CHMP4B: variants seen among roughly 807,000 people sequenced by gnomAD.
CHMP4B encodes SNF7 homolog associated with Alix 1.
CHMP4B carries 1 observed loss-of-function variant against 25.1 expected under a neutral mutation model. That is an observed-to-expected ratio of 0.04 (90% confidence interval 0.01 to 0.19). The LOEUF is 0.19. Among genes scored for constraint, CHMP4B ranks in the 10% least tolerant of loss-of-function variants. CHMP4B has a pLI of 1.00. For missense variants in CHMP4B, 151 were observed against 289.7 expected (o/e 0.52, Z 3.48); for synonymous variants, 101 against 115.6 (o/e 0.87, Z 0.81).
chr20:33,830,534 C>T lies in CHMP4B; in HGVS notation c.191-17933C>T, dbSNP rs148539775. 2.0e-3 allele frequency among the ~76,000 whole-genome samples: 306 copies of T among 152,330 alleles called. 1 individual carries two copies. The highest frequency in any genetic ancestry group is 7.2e-3 in the African/African-American group (301 of 41,568). On this transcript the variant is annotated intron_variant, in intron 1 of 4. Transcript: ENST00000217402. ...CTCTTCCCAGCTGGAAGACAGCTGC[C>T]TTCTTGCTGTGTCCTCACATGGCCT...
At chr20:33,834,393 CT>C in intron 1 of CHMP4B, among the ~76,000 whole-genome samples, 1 of 152,116 alleles carries the variant, frequency 6.6e-6, no homozygotes, top group African/African-American at 2.4e-5. Context: ...TTACTGCAGC[CT>C]CAAACTCCTG....
At chr20:33,838,352 A>C (rs571199476) in intron 1 of CHMP4B, among the ~76,000 whole-genome samples, 5 of 152,080 alleles carry the variant, frequency 3.3e-5, no homozygotes, top group Non-Finnish European at 5.9e-5. Flanking sequence ...GTCCAGGTAG[A>C]AGTTGGTGGG....
intron 1 of CHMP4B, among the ~76,000 whole-genome samples, chr20:33,817,912 C>T (rs1420979289): frequency 2.0e-5 from 3 of 152,142 alleles, no homozygotes; most frequent in Non-Finnish European, 2.9e-5. Flanking sequence ...TCATTTATTA[C>T]GTTTCTTCTA....
intron 2 of CHMP4B, among the ~76,000 whole-genome samples, chr20:33,849,808 G>A (rs934388237): frequency 6.6e-6 from 1 of 152,154 alleles, no homozygotes; most frequent in Non-Finnish European, 1.5e-5. Flanking sequence ...GTCTTGCTGT[G>A]TCTGTCACCT....
intron 1 of CHMP4B, among the ~76,000 whole-genome samples, chr20:33,832,775 A>AT (rs35940987): frequency 0.46 from 63,404 of 138,236 alleles, 14,744 homozygotes; most frequent in East Asian, 0.78. Flanking sequence ...ACAATAAATG[A>AT]TTTTTTTTTT....
At chr20:33,819,872 G>C (rs1338205421) in intron 1 of CHMP4B, among the ~76,000 whole-genome samples, 1 of 152,122 alleles carries the variant, frequency 6.6e-6, no homozygotes, top group Non-Finnish European at 1.5e-5. Context: ...GAAATTGTTA[G>C]AAACGTGGAT....
At chr20:33,822,267 G>A (rs1199120773) in intron 1 of CHMP4B, among the ~76,000 whole-genome samples, 1 of 151,822 alleles carries the variant, frequency 6.6e-6, no homozygotes, top group African/African-American at 2.4e-5. Context: ...CCTCAACCTT[G>A]TAAGTAGCTG....
rs3198247 is a variant in CHMP4B, at chr20:33,853,700, G to A, written c.*140G>A. The A allele has an allele frequency of 6.3e-6, 3 of 475,744 alleles. No individual in the cohort carries two copies. Among genetic ancestry groups the A allele is most frequent in the African/African-American group, 2.2e-5 (1 of 46,382 alleles). The allele number at this position is 475,744 out of a possible 1,614,324, so 29.5% of individuals were successfully genotyped here. A position where few individuals can be genotyped will look rare whatever the true frequency, so the allele number is the denominator to read the frequency against. On this transcript the variant is annotated 3_prime_UTR_variant, in exon 5 of 5. Transcript: ENST00000217402. ...TCTCACTCCAAAGCAGTAGGGCCGC[G>A]TTGCTGCTCACTCTCTGCATAGCAT...
chr20:33,811,649 A>C lies in CHMP4B; in HGVS notation c.181A>C (p.Asn61His), dbSNP rs2122776160. ...GGCCGCCAAGAAGCACGGCACCAAA[A>C]ACAAGCGCGGTGAGGCTGCCCGGCC... Reference protein sequence around the residue: ...LTAAKKHGTKNKRAALQALKR... With the variant: ...LTAAKKHGTKHKRAALQALKR... The change falls in exon 1 of 5, where the codon AAC becomes CAC. Residue 61 changes from asparagine to histidine, a missense_variant. Physicochemically the swap from Asn to His is moderately conservative, Grantham distance 68. Coordinates refer to ENST00000217402, the MANE Select transcript of CHMP4B (RefSeq NM_176812.5). 1 of 1,613,584 alleles carries C rather than the reference A, an allele frequency of 6.2e-7. No homozygotes were observed. Among genetic ancestry groups the C allele is most frequent in the Non-Finnish European group, 8.5e-7 (1 of 1,179,830 alleles).
chr20:33,838,968 G>A (rs1229377935), intron 1 of CHMP4B, among the ~76,000 whole-genome samples: 2 of 152,114 alleles, frequency 1.3e-5, no homozygotes, highest in Non-Finnish European at 2.9e-5. Flanking sequence ...GGCCACGCCT[G>A]CTGACCCAGT....
chr20:33,846,127 C>T (rs1943266820), intron 1 of CHMP4B, among the ~76,000 whole-genome samples: 1 of 152,160 alleles, frequency 6.6e-6, no homozygotes, highest in South Asian at 2.1e-4. Flanking sequence ...AGTATCCTAC[C>T]TTTTTCATTA....
chr20:33,844,320 T>C (rs557643795), intron 1 of CHMP4B, among the ~76,000 whole-genome samples: 1 of 152,314 alleles, frequency 6.6e-6, no homozygotes, highest in East Asian at 1.9e-4. Context: ...ATAGAATACA[T>C]GAAAACCTTG....
At chr20:33,814,236 TA>T (rs1978720920) in intron 1 of CHMP4B, among the ~76,000 whole-genome samples, 1 of 152,176 alleles carries the variant, frequency 6.6e-6, no homozygotes, top group South Asian at 2.1e-4. Context: ...AGGTGAACAC[TA>T]CCACATTACC....
At chr20:33,815,182 G>A (rs143317830) in intron 1 of CHMP4B, among the ~76,000 whole-genome samples, 40 of 152,250 alleles carry the variant, frequency 2.6e-4, no homozygotes, top group African/African-American at 8.9e-4. Flanking sequence ...ACAAATCAGG[G>A]TACTAGTATC....
chr20:33,844,383 G>A (rs1979624256), intron 1 of CHMP4B, among the ~76,000 whole-genome samples: 1 of 152,234 alleles, frequency 6.6e-6, no homozygotes, highest in Non-Finnish European at 1.5e-5. Flanking sequence ...CACTTACTGT[G>A]TATCAGTCAT....
intron 1 of CHMP4B, among the ~76,000 whole-genome samples, chr20:33,828,579 C>G (rs901350830): frequency 7.9e-5 from 12 of 152,162 alleles, no homozygotes; most frequent in African/African-American, 2.9e-4. Flanking sequence ...ATTTCTGACT[C>G]TCTGTGTGAC....
chr20:33,841,992 T>G (rs1568610248), intron 1 of CHMP4B, among the ~76,000 whole-genome samples: 1 of 152,142 alleles, frequency 6.6e-6, no homozygotes, highest in Non-Finnish European at 1.5e-5. Flanking sequence ...TTTCTCTGTC[T>G]CACTGTGCAC....
intron 1 of CHMP4B, among the ~76,000 whole-genome samples, chr20:33,814,465 G>A (rs1374717082): frequency 1.3e-5 from 2 of 152,242 alleles, no homozygotes; most frequent in Middle Eastern, 3.4e-3. Context: ...TGGGGGGAAG[G>A]ATAAAGAAGA....
chr20:33,816,298 A>T (rs1282434986), intron 1 of CHMP4B, among the ~76,000 whole-genome samples: 4 of 152,264 alleles, frequency 2.6e-5, no homozygotes, highest in African/African-American at 9.6e-5. Flanking sequence ...ATCATCATTT[A>T]TGAAATAATA....
Sources: gnomAD v4.1 joint callset for allele counts (sites outside exome capture counted in the v4.1 genomes callset) on GRCh38, gnomAD v4.1.1 for gene constraint, MANE v1.5 for transcripts, NCBI Gene and HGNC (gene_info 2026-07-23, HGNC 2026-07-21) for gene names.